The following PXK variants were observed in gnomAD, a reference collection of about 807,000 sequenced individuals.
PXK encodes the protein PX domain-containing protein kinase-like protein.
A neutral mutation model predicts 84.7 loss-of-function variants in PXK; 35 were observed. The observed-to-expected ratio is 0.41, with a 90% CI of 0.32 to 0.55. PXK has a LOEUF of 0.55. Ranked by LOEUF, PXK falls within the 20% of genes least tolerant of loss-of-function variation. The pLI is 0.21. For missense variants in PXK, 634 were observed against 699.7 expected, an observed-to-expected ratio of 0.91 and a Z score of 1.06; for synonymous variants, 253 against 260.8, an observed-to-expected ratio of 0.97 and a Z score of 0.29.
chr3:58,409,034 G>A lies in PXK; in HGVS notation c.1308+33G>A, dbSNP rs1301190467. 4.1e-6 allele frequency: 6 copies of A among 1,478,074 alleles called. No individual in the cohort carries two copies. Among genetic ancestry groups the A allele is most frequent in the Non-Finnish European group, 4.7e-6 (5 of 1,059,628 alleles). The allele number at this position is 1,478,074 out of a possible 1,614,324, so 91.6% of individuals were successfully genotyped here. A position where few individuals can be genotyped will look rare whatever the true frequency, so the allele number is the denominator to read the frequency against. The stretch of plus-strand genomic sequence containing the variant: ...GATAACGGTTCCTCTTTGCCTTTTA[G>A]TGTCCCCATCCTCTGCCGTGGTTTT... On this transcript the variant is annotated intron_variant, in intron 14 of 17. Transcript: ENST00000356151. The surrounding 1 kb of genome is among the most constrained non-coding windows in gnomAD (Gnocchi z 4.2).
In PXK at chr3:58,336,071, A is replaced by ATATAT. The variant is rs1284780630; in HGVS notation, c.102+2982_102+2983insATATT. Reference sequence around the variant, plus strand: ...TATATATATATATATATATATATATATTTTTTTTTTTTTTTTTTAATACCA... The same window carrying ATATAT: ...TATATATATATATATATATATATATATATATTTTTTTTTTTTTTTTTTTAATACCA... On this transcript the variant is annotated intron_variant, in intron 1 of 17. Transcript: ENST00000356151. Among the ~76,000 whole-genome samples, 79 of 51,556 alleles carry ATATAT rather than the reference A, an allele frequency of 1.5e-3. 1 individual carries two copies. Among genetic ancestry groups the ATATAT allele is most frequent in the Non-Finnish European group, 1.8e-3 (55 of 30,598 alleles). The allele number at this position is 51,556 out of a possible 152,430, so 33.8% of individuals were successfully genotyped here.
chr3:58,367,369 C>T lies in PXK; in HGVS notation c.153+1445C>T, dbSNP rs866102778. On this transcript the variant is annotated intron_variant, in intron 2 of 17. Coordinates refer to ENST00000356151, the MANE Select transcript of PXK (RefSeq NM_017771.5). ...ACGCCATTCTCCTGCCTTAGCCTCC[C>T]GAGTAGCTGGGACTACAGGCACCCG... Among the ~76,000 whole-genome samples the T allele has an allele frequency of 2.0e-4, 31 of 152,110 alleles. 1 individual carries two copies. The highest frequency in any genetic ancestry group is 6.8e-3 in the Middle Eastern group (2 of 294).
chr3:58,355,499 A>G (rs1238640728), intron 1 of PXK, among the ~76,000 whole-genome samples: 1 of 152,236 alleles, frequency 6.6e-6, no homozygotes, highest in African/African-American at 2.4e-5. Context: ...TTGTAGCCTC[A>G]CTAAAGTAAT....
intron 1 of PXK, among the ~76,000 whole-genome samples, chr3:58,341,813 T>C (rs9822855): frequency 0.8 from 120,573 of 151,582 alleles, 48,896 homozygotes; most frequent in East Asian, 1. Context: ...CAGTGATTCT[T>C]CTGCCTCAGC....
At chr3:58,382,722 T>C (rs11917591) in intron 4 of PXK, 22 bp downstream of exon 4, 501,609 of 1,481,434 alleles carry the variant, frequency 0.34, 90,679 homozygotes, top group Middle Eastern at 0.4. Context: ...AATCTGTGAA[T>C]TATGGTCACA....
At chr3:58,343,662 GT>G (rs2097771875) in intron 1 of PXK, among the ~76,000 whole-genome samples, 1 of 152,158 alleles carries the variant, frequency 6.6e-6, no homozygotes, top group South Asian at 2.1e-4. Flanking sequence ...TTTGAGGCTT[GT>G]TTTATTTTTT....
chr3:58,413,305 G>A, intron 17 of PXK: 1 of 292,498 alleles, frequency 3.4e-6, no homozygotes, highest in Non-Finnish European at 6.6e-6. Flanking sequence ...TGGCCCAGGG[G>A]TCCCGTCCTG....
At chr3:58,422,368 G>C (rs1351109446) in intron 17 of PXK, 1 of 985,222 alleles carries the variant, frequency 1.0e-6, no homozygotes, top group East Asian at 1.1e-4. Flanking sequence ...GCCCAGTGAG[G>C]AAAAGTGGAC....
chr3:58,395,408 C>T (rs1022153529), intron 8 of PXK, among the ~76,000 whole-genome samples: 1 of 152,170 alleles, frequency 6.6e-6, no homozygotes, highest in Admixed American at 6.5e-5. Context: ...AGAATTCGAA[C>T]AATATGCAAG....
rs1247963672 is a variant in PXK, at chr3:58,426,025, G to T, written c.*1065G>T. The T allele has an allele frequency of 6.6e-6, 1 of 152,158 alleles. No individual in the cohort carries two copies. Among genetic ancestry groups the T allele is most frequent in the Non-Finnish European group, 1.5e-5 (1 of 68,028 alleles). 9.4% of individuals were successfully genotyped at this position (152,158 alleles called of 1,614,324 possible). A position where few individuals can be genotyped will look rare whatever the true frequency, so the allele number is the denominator to read the frequency against. On this transcript the variant is annotated 3_prime_UTR_variant, in exon 18 of 18. Transcript: ENST00000356151. ...TTTATTAAAATCATGTCAAGAAAAC[G>T]TGTTGTCTGTAGCTTGACAAGATAT...
rs1576939180 is a variant in PXK, at chr3:58,425,009, A to C, written c.*49A>C. 6.3e-7 allele frequency: 1 copy of C among 1,594,462 alleles called. No individual in the cohort carries two copies. The highest frequency in any genetic ancestry group is 8.5e-7 in the Non-Finnish European group (1 of 1,170,034). ...GAAAAGTTCTTTTTTATTCCTACTC[A>C]CCCCTACCCCCCAAACTACCCTCTT... On this transcript the variant is annotated 3_prime_UTR_variant, in exon 18 of 18. Coordinates refer to ENST00000356151, the MANE Select transcript of PXK (RefSeq NM_017771.5).
At position 58,385,203 on chromosome 3, in the gene PXK, C is replaced by T. The variant is rs1368998251; in HGVS notation, c.388+2503C>T. Among the ~76,000 whole-genome samples the T allele has an allele frequency of 6.6e-6, 1 of 152,172 alleles. No individual in the cohort carries two copies. The highest frequency in any genetic ancestry group is 2.4e-5 in the African/African-American group (1 of 41,428). ...GATGTGGGCAGGGGTATAAAAAGAC[C>T]ACCAGAAACTCCTGCCGGAACCTGT... On this transcript the variant is annotated intron_variant, in intron 4 of 17. Coordinates refer to ENST00000356151, the MANE Select transcript of PXK (RefSeq NM_017771.5). The surrounding 1 kb of genome is among the most constrained non-coding windows in gnomAD (Gnocchi z 5.1).
intron 1 of PXK, among the ~76,000 whole-genome samples, chr3:58,340,481 C>A (rs1335110558): frequency 1.3e-5 from 2 of 151,190 alleles, no homozygotes; most frequent in Non-Finnish European, 3.0e-5. Flanking sequence ...AATCCCAGCA[C>A]TTTGGGAGGC....
chr3:58,394,958 CT>C, intron 7 of PXK, 39 bp from the exon 8 acceptor site: 1 of 1,492,302 alleles, frequency 6.7e-7, no homozygotes, highest in Non-Finnish European at 9.3e-7. Context: ...GACCTAGATC[CT>C]GACGCAAATC....
chr3:58,423,971 A>G (rs2062396556), intron 17 of PXK, among the ~76,000 whole-genome samples: 1 of 152,170 alleles, frequency 6.6e-6, no homozygotes, highest in Admixed American at 6.5e-5. Context: ...GTTTCTCCTG[A>G]TGCTTCGTCA....
chr3:58,333,616 C>G lies in PXK; in HGVS notation c.102+526C>G, dbSNP rs1245154747. On this transcript the variant is annotated intron_variant, in intron 1 of 17. Transcript: ENST00000356151. This position sits in a 1 kb window ranked among gnomAD's most constrained non-coding sequence, Gnocchi z 5.4. ...TGTAAGTGGCTGGGGTCTGCAGCCCCGTTTCCAGGTCAGCCGCTTGGCCCT... is the reference window on the plus strand; with the variant it reads ...TGTAAGTGGCTGGGGTCTGCAGCCCGGTTTCCAGGTCAGCCGCTTGGCCCT... The G allele has an allele frequency of 4.4e-6, 2 of 456,514 alleles. No individual in the cohort carries two copies. Among genetic ancestry groups the G allele is most frequent in the African/African-American group, 2.0e-5 (1 of 50,056 alleles). 28.3% of individuals were successfully genotyped at this position (456,514 alleles called of 1,614,324 possible). A position where few individuals can be genotyped will look rare whatever the true frequency, so the allele number is the denominator to read the frequency against.
Position 58,401,998 on chromosome 3 carries a change from G to A in PXK, c.1182-1864G>A, listed in dbSNP as rs2058648893. Among the ~76,000 whole-genome samples, 1 of 152,112 alleles carries A rather than the reference G, an allele frequency of 6.6e-6. No homozygotes were observed. The highest frequency in any genetic ancestry group is 2.1e-4 in the South Asian group (1 of 4,828). ...AGCTACTCAGGAGGCCAAGATGGGA[G>A]GATTGATTGAGCCCAGGACTTCCAG... On this transcript the variant is annotated intron_variant, in intron 12 of 17. Coordinates refer to ENST00000356151, the MANE Select transcript of PXK (RefSeq NM_017771.5). The surrounding 1 kb of genome is among the most constrained non-coding windows in gnomAD (Gnocchi z 4.4).
At chr3:58,361,608 C>T (rs555193359) in intron 1 of PXK, among the ~76,000 whole-genome samples, 1 of 152,224 alleles carries the variant, frequency 6.6e-6, no homozygotes, top group South Asian at 2.1e-4. Flanking sequence ...AGTATATAAC[C>T]TTTCAAGATT....
chr3:58,369,391 G>T (rs753780335), intron 2 of PXK, 40 bp from the exon 3 acceptor site: 27 of 1,499,456 alleles, frequency 1.8e-5, no homozygotes, highest in Non-Finnish European at 2.3e-5. Flanking sequence ...AAAAGAGATA[G>T]TCTTTGCTGA....
Sources: allele counts gnomAD v4.1 joint callset (sites outside exome capture counted in the v4.1 genomes callset), GRCh38; gene constraint gnomAD v4.1.1; non-coding constraint Gnocchi (gnomAD v3.1); transcripts MANE v1.5; gene names NCBI Gene and HGNC (gene_info 2026-07-23, HGNC 2026-07-21).